CUX2: variants seen among roughly 807,000 people sequenced by gnomAD.
CUX2 encodes the protein cut like homeobox 2.
CUX2 carries 40 observed loss-of-function variants against 144.8 expected under a neutral mutation model. That is an observed-to-expected ratio of 0.28 (90% CI 0.21 to 0.36). The LOEUF (loss-of-function observed/expected upper bound fraction) is 0.36. CUX2 is among the 10% of genes least tolerant of loss of function. The pLI is 1.00. For synonymous variants in CUX2, 827 were observed against 875.6 expected, an observed-to-expected ratio of 0.94 and a Z score of 0.98; for missense variants, 1,615 against 1,994.0, an observed-to-expected ratio of 0.81 and a Z score of 3.62.
chr12:111,145,957 G>A (rs965526846), intron 1 of CUX2, among the ~76,000 whole-genome samples: 9 of 151,524 alleles, frequency 5.9e-5, no homozygotes, highest in Admixed American at 2.6e-4. Flanking sequence ...CACCCACCTC[G>A]GCCTCCCAAA....
intron 1 of CUX2, among the ~76,000 whole-genome samples, chr12:111,187,600 G>T (rs370493936): frequency 4.9e-4 from 75 of 152,330 alleles, no homozygotes; most frequent in African/African-American, 1.7e-3. Flanking sequence ...CTTGGGGCCT[G>T]CCACCCCTGG....
chr12:111,284,924 G>A (rs1216641260), intron 4 of CUX2, among the ~76,000 whole-genome samples: 1 of 152,116 alleles, frequency 6.6e-6, no homozygotes, highest in Non-Finnish European at 1.5e-5. Flanking sequence ...CTTCCTGGAG[G>A]CGCACTGCAG....
At chr12:111,063,266 C>T (rs1484243594) in intron 1 of CUX2, among the ~76,000 whole-genome samples, 1 of 152,132 alleles carries the variant, frequency 6.6e-6, no homozygotes, top group Non-Finnish European at 1.5e-5. Flanking sequence ...TTCTTTTCTG[C>T]CATGTATTAT....
At chr12:111,329,076 T>G (rs1887972836) in intron 18 of CUX2, among the ~76,000 whole-genome samples, 1 of 141,010 alleles carries the variant, frequency 7.1e-6, no homozygotes, top group African/African-American at 2.6e-5. Flanking sequence ...TTGCTCTGTC[T>G]CTTCCTCCCT....
At chr12:111,281,611 A>T (rs986828639) in intron 4 of CUX2, among the ~76,000 whole-genome samples, 2 of 152,230 alleles carry the variant, frequency 1.3e-5, no homozygotes, top group African/African-American at 4.8e-5. Flanking sequence ...AAGCAGGCGC[A>T]AGGACTCAGG....
In CUX2 at chr12:111,289,999, G is replaced by A. The variant is rs141343762; in HGVS notation, c.302-1419G>A. 1.7e-4 allele frequency among the ~76,000 whole-genome samples: 26 copies of A among 152,282 alleles called. No homozygotes were observed. The highest frequency in any genetic ancestry group is 5.3e-4 in the African/African-American group (22 of 41,560). ...AGAGCAGTCCCACCTTGGTATCCCCGCTTCACACAGGCATGGTTGGCAGAG... is the reference window on the plus strand; with the variant it reads ...AGAGCAGTCCCACCTTGGTATCCCCACTTCACACAGGCATGGTTGGCAGAG... On this transcript the variant is annotated intron_variant, in intron 4 of 21. Transcript: ENST00000261726. This position sits in a 1 kb window ranked among gnomAD's most constrained non-coding sequence, Gnocchi z 4.1.
intron 1 of CUX2, among the ~76,000 whole-genome samples, chr12:111,127,307 T>C (rs550825482): frequency 1.3e-4 from 20 of 152,250 alleles, no homozygotes; most frequent in Non-Finnish European, 2.8e-4. Flanking sequence ...CTTTCATTCC[T>C]GAAGGGTCTG....
At chr12:111,148,247 A>G (rs898589400) in intron 1 of CUX2, among the ~76,000 whole-genome samples, 4 of 152,200 alleles carry the variant, frequency 2.6e-5, no homozygotes, top group Non-Finnish European at 5.9e-5. Flanking sequence ...AACCTTGAAG[A>G]CATCATACTA....
At chr12:111,222,341 C>T (rs1881897360) in intron 3 of CUX2, among the ~76,000 whole-genome samples, 1 of 152,182 alleles carries the variant, frequency 6.6e-6, no homozygotes, top group Non-Finnish European at 1.5e-5. Flanking sequence ...GTTATGCTAA[C>T]TCGGAGGTGA....
At chr12:111,266,397 G>GGAGGCGGAGGTTGCAAT (rs1208103490) in intron 4 of CUX2, among the ~76,000 whole-genome samples, 1 of 151,674 alleles carries the variant, frequency 6.6e-6, no homozygotes, top group Non-Finnish European at 1.5e-5. Flanking sequence ...CTTGAACCCA[G>GGAGGCGGAGGTTGCAAT]GAGGCGGAGG....
At chr12:111,164,665 C>G (rs954851081) in intron 1 of CUX2, among the ~76,000 whole-genome samples, 4 of 152,012 alleles carry the variant, frequency 2.6e-5, no homozygotes, top group Non-Finnish European at 4.4e-5. Context: ...GATCAGCCCC[C>G]CAAGGTGTTC....
intron 1 of CUX2, among the ~76,000 whole-genome samples, chr12:111,128,037 G>T (rs1271995383): frequency 6.6e-6 from 1 of 152,182 alleles, no homozygotes; most frequent in East Asian, 1.9e-4. Flanking sequence ...ATATCAGTGG[G>T]TAATAGTGAG....
intron 4 of CUX2, among the ~76,000 whole-genome samples, chr12:111,282,181 G>A (rs1268647503): frequency 6.6e-6 from 1 of 151,854 alleles, no homozygotes; most frequent in African/African-American, 2.4e-5. Flanking sequence ...AATTAGCTGG[G>A]CGAGGTGGTG....
At position 111,225,394 on chromosome 12, in the gene CUX2, G is replaced by A. The variant is rs546181203; in HGVS notation, c.222+7457G>A. 1.7e-3 allele frequency among the ~76,000 whole-genome samples: 259 copies of A among 152,344 alleles called. 1 individual carries two copies. Among genetic ancestry groups the A allele is most frequent in the Non-Finnish European group, 3.0e-3 (206 of 68,036 alleles). ...GCCCCTGATGGTGAGTGGGAACTCG[G>A]GCAGGGACATCAGCTGGCAAGGTTT... is the stretch of plus-strand genomic sequence containing the variant. On this transcript the variant is annotated intron_variant, in intron 3 of 21. Transcript: ENST00000261726.
chr12:111,343,472 A>G (rs538200736), intron 21 of CUX2, among the ~76,000 whole-genome samples: 45 of 152,224 alleles, frequency 3.0e-4, no homozygotes, highest in African/African-American at 1.0e-3. Context: ...TGGTGCCCAC[A>G]TGGTACCAGA....
At chr12:111,051,292 T>G (rs1198055679) in intron 1 of CUX2, among the ~76,000 whole-genome samples, 1 of 152,174 alleles carries the variant, frequency 6.6e-6, no homozygotes, top group Non-Finnish European at 1.5e-5. Flanking sequence ...CTTGTTGATT[T>G]TCTGTCTAGT....
intron 1 of CUX2, among the ~76,000 whole-genome samples, chr12:111,177,657 C>T (rs902282810): frequency 2.0e-5 from 3 of 152,238 alleles, no homozygotes; most frequent in Non-Finnish European, 4.4e-5. Flanking sequence ...TCCCAAAGTG[C>T]TGGGATTACA....
rs1871613018 is a variant in CUX2, at chr12:111,077,633, A to G, written c.63+43393A>G. Among the ~76,000 whole-genome samples, 1 of 152,242 alleles carries G rather than the reference A, an allele frequency of 6.6e-6. No homozygotes were observed. The highest frequency in any genetic ancestry group is 6.5e-5 in the Admixed American group (1 of 15,282). ...TTTTGAAATGGATCAATTTTTAATC[A>G]GCCAAACACCTGACTCACTCAATAA... On this transcript the variant is annotated intron_variant, in intron 1 of 21. Coordinates refer to ENST00000261726, the MANE Select transcript of CUX2 (RefSeq NM_015267.4). This position sits in a 1 kb window ranked among gnomAD's most constrained non-coding sequence, Gnocchi z 4.1.
In CUX2 at chr12:111,178,730, T is replaced by C. The variant is rs1878994707; in HGVS notation, c.64-35470T>C. On this transcript the variant is annotated intron_variant, in intron 1 of 21. Transcript: ENST00000261726. This position sits in a 1 kb window ranked among gnomAD's most constrained non-coding sequence, Gnocchi z 5.7. ...AGGGTTTAATGAGGGAGATGGACAT[T>C]TATGGGATGGCCGTTTGGAATGAAG... 6.6e-6 allele frequency among the ~76,000 whole-genome samples: 1 copy of C among 151,984 alleles called. No individual in the cohort carries two copies. Among genetic ancestry groups the C allele is most frequent in the Non-Finnish European group, 1.5e-5 (1 of 68,002 alleles).
Sources: gnomAD v4.1 joint callset for allele counts (sites outside exome capture counted in the v4.1 genomes callset) on GRCh38, gnomAD v4.1.1 for gene constraint, Gnocchi (gnomAD v3.1) non-coding constraint, MANE v1.5 for transcripts, NCBI Gene and HGNC (gene_info 2026-07-23, HGNC 2026-07-21) for gene names.